CR1: variants seen among roughly 807,000 people sequenced by gnomAD.
The protein encoded by CR1 is complement receptor type 1.
CR1 carries 116 observed loss-of-function variants against 187.3 expected under a neutral mutation model. The ratio of observed to expected loss-of-function variants is 0.62; its 90% CI spans 0.53 to 0.72. The LOEUF is 0.72. Among genes scored for constraint, CR1 ranks in the 30% least tolerant of loss-of-function variants. CR1 has a pLI of 0.00. For synonymous variants in CR1, 576 were observed against 747.1 expected (o/e 0.77, Z 3.73); for missense variants, 1,731 against 2,110.7 (o/e 0.82, Z 3.52).
intron 46 of CR1, among the ~76,000 whole-genome samples, chr1:207,632,933 G>A (rs1231553439): frequency 6.6e-6 from 1 of 152,094 alleles, no homozygotes; most frequent in Non-Finnish European, 1.5e-5. Flanking sequence ...TGCTATGGGG[G>A]AAAAGTCAGG....
In CR1 at chr1:207,605,337, CCACACA is replaced by C. The variant is rs61201153; in HGVS notation, c.5811-1885_5811-1880del. Among the ~76,000 whole-genome samples, 266 of 142,730 alleles carry C rather than the reference CCACACA, an allele frequency of 1.9e-3. 2 individuals are homozygous for C. The highest frequency in any genetic ancestry group is 5.3e-3 in the African/African-American group (207 of 39,350). 93.6% of individuals were successfully genotyped at this position (142,730 alleles called of 152,430 possible). A position where few individuals can be genotyped will look rare whatever the true frequency, so the allele number is the denominator to read the frequency against. ...GAAGAGTAGATTTTAAATATTCTCA[CCACACA>C]CACACACACACACACACACACACAC... On this transcript the variant is annotated intron_variant, in intron 35 of 46. Coordinates refer to ENST00000367049, the MANE Select transcript of CR1 (RefSeq NM_000651.6).
chr1:207,596,461 A>G (rs1431400881), intron 35 of CR1, among the ~76,000 whole-genome samples: 1 of 151,878 alleles, frequency 6.6e-6, no homozygotes, highest in Non-Finnish European at 1.5e-5. Flanking sequence ...TAAAAAATAC[A>G]AAATTAGCCA....
Position 207,619,733 on chromosome 1 carries a change from G to A in CR1, c.7067-147G>A, listed in dbSNP as rs1662258991. 6.3e-6 allele frequency: 4 copies of A among 636,540 alleles called. No individual in the cohort carries two copies. The African/African-American group carries it at 7.4e-5, about 12-fold the overall frequency. 39.4% of individuals were successfully genotyped at this position (636,540 alleles called of 1,614,324 possible). On this transcript the variant is annotated intron_variant, in intron 42 of 46. Transcript: ENST00000367049. ...GGAAATGTTAAATCATAAGGTTTTT[G>A]GAGGAGGAAGATTAGTAACATGTTT...
In CR1 at chr1:207,630,637, C is replaced by A. The variant is rs1298359572; in HGVS notation, c.7457+16C>A. The A allele has an allele frequency of 8.0e-6, 12 of 1,508,194 alleles. No individual in the cohort carries two copies. Among genetic ancestry groups the A allele is most frequent in the Non-Finnish European group, 1.1e-5 (12 of 1,118,138 alleles). The allele number at this position is 1,508,194 out of a possible 1,614,324, so 93.4% of individuals were successfully genotyped here. On this transcript the variant is annotated intron_variant, in intron 46 of 46. Transcript: ENST00000367049. The stretch of plus-strand genomic sequence containing the variant: ...AAAATAGCAGGTACCTATATACATA[C>A]TGAATTCAAAATGTTTTCAACAACT...
chr1:207,503,730 A>C (rs1175198165), intron 1 of CR1, among the ~76,000 whole-genome samples: 1 of 152,212 alleles, frequency 6.6e-6, no homozygotes, highest in African/African-American at 2.4e-5. Context: ...TACAGGTAAC[A>C]ATCACAGGCT....
chr1:207,496,253 A>T lies in CR1; in HGVS notation c.-15A>T. The T allele has an allele frequency of 6.2e-7, 1 of 1,613,716 alleles. No individual in the cohort carries two copies. The highest frequency in any genetic ancestry group is 8.5e-7 in the Non-Finnish European group (1 of 1,179,792). ...CTTCGAGATCAAATCTGGTTTGTAGATGTGCTTGGGGAGAATGGGGGCCTC... is the reference window on the plus strand; with the variant it reads ...CTTCGAGATCAAATCTGGTTTGTAGTTGTGCTTGGGGAGAATGGGGGCCTC... On this transcript the variant is annotated 5_prime_UTR_variant, in exon 1 of 47. An upstream start codon of the reference 5' UTR is lost. Coordinates refer to ENST00000367049, the MANE Select transcript of CR1 (RefSeq NM_000651.6).
At chr1:207,634,968 A>T (rs890361179) in intron 46 of CR1, among the ~76,000 whole-genome samples, 1 of 152,228 alleles carries the variant, frequency 6.6e-6, no homozygotes, top group Non-Finnish European at 1.5e-5. Context: ...GGACAAAATT[A>T]AAAAAGGAAA....
intron 33 of CR1, 131 bp from the exon 34 acceptor site, chr1:207,587,255 A>G (rs1661137303): frequency 5.2e-6 from 4 of 765,132 alleles, no homozygotes; most frequent in Admixed American, 3.3e-5. Context: ...ATCAAGGAGA[A>G]GAAAATCTTT....
At chr1:207,634,571 T>C (rs1338361212) in intron 46 of CR1, among the ~76,000 whole-genome samples, 1 of 151,908 alleles carries the variant, frequency 6.6e-6, no homozygotes, top group Non-Finnish European at 1.5e-5. Flanking sequence ...TCCTGTGAAA[T>C]GGAAGGAGAA....
At chr1:207,595,753 G>T (rs968941766) in intron 35 of CR1, among the ~76,000 whole-genome samples, 2 of 151,402 alleles carry the variant, frequency 1.3e-5, no homozygotes, top group Non-Finnish European at 2.9e-5. Context: ...TCCAAATGGT[G>T]TTGTATCAAA....
intron 32 of CR1, 58 bp from the exon 33 acceptor site, chr1:207,584,591 A>T: frequency 6.4e-7 from 1 of 1,566,546 alleles, no homozygotes. Flanking sequence ...CTGTAGAATC[A>T]CCTTGGATTA....
intron 4 of CR1, among the ~76,000 whole-genome samples, chr1:207,522,028 G>A (rs1660014207): frequency 6.6e-6 from 1 of 151,930 alleles, no homozygotes; most frequent in African/African-American, 2.4e-5. Context: ...GAACAGGTCT[G>A]TAGTTCTAAT....
At chr1:207,615,803 T>C (rs192957395) in intron 40 of CR1, among the ~76,000 whole-genome samples, 3 of 152,208 alleles carry the variant, frequency 2.0e-5, no homozygotes, top group African/African-American at 7.2e-5. Context: ...AATATATAAA[T>C]AAACTTAGGA....
At position 207,523,961 on chromosome 1, in the gene CR1, T is replaced by C. The variant is rs1660081960; in HGVS notation, c.838T>C (p.Cys280Arg). Residue 280 changes from cysteine (C) to arginine (R), a missense_variant, in exon 5 of 47, where the codon TGC (cysteine) becomes CGC (arginine). By Grantham distance (180) the Cys-to-Arg change is radical. Around this residue, in one of 5 missense-constraint regions of CR1, gnomAD observed 131 missense variants for 196.8 expected, o/e 0.67. Coordinates refer to ENST00000367049, the MANE Select transcript of CR1 (RefSeq NM_000651.6). ...CATGAAAGGACCCCGCCGTGTGAAG[T>C]GCCAGGCCCTGAACAAATGGGAGCC... ...FVMKGPRRVK[C>R]QALNKWEPEL... 6.2e-7 allele frequency: 1 copy of C among 1,611,608 alleles called. No individual in the cohort carries two copies. Among genetic ancestry groups the C allele is most frequent in the African/African-American group, 1.3e-5 (1 of 74,758 alleles).
intron 45 of CR1, among the ~76,000 whole-genome samples, chr1:207,629,707 A>G (rs1662585520): frequency 6.6e-6 from 1 of 152,208 alleles, no homozygotes; most frequent in Admixed American, 6.5e-5. Context: ...TAAAATCTCC[A>G]GGTACTGGTA....
At chr1:207,563,800 A>G in intron 21 of CR1, 64 bp from the exon 22 acceptor site, 1 of 991,652 alleles carries the variant, frequency 1.0e-6, no homozygotes, top group South Asian at 1.7e-5. Flanking sequence ...TCCCTTGGCC[A>G]GTTTAACAGT....
chr1:207,617,393 CTT>C (rs1472246604), intron 41 of CR1, among the ~76,000 whole-genome samples: 66 of 148,812 alleles, frequency 4.4e-4, no homozygotes, highest in African/African-American at 1.6e-3. Flanking sequence ...AAATTGTACT[CTT>C]AGCCTAATGG....
chr1:207,606,889 T>C (rs1347568516), intron 35 of CR1, among the ~76,000 whole-genome samples: 1 of 152,220 alleles, frequency 6.6e-6, no homozygotes, highest in Non-Finnish European at 1.5e-5. Flanking sequence ...AATATTTCAG[T>C]AAGATATTTT....
In CR1 at chr1:207,634,800, C is replaced by T. The variant is rs55840405; in HGVS notation, c.7457+4179C>T. Among the ~76,000 whole-genome samples, 354 of 146,366 alleles carry T rather than the reference C, an allele frequency of 2.4e-3. 2 individuals are homozygous for T. The highest frequency in any genetic ancestry group is 8.0e-3 in the African/African-American group (328 of 41,016). ...GGAGGACATGCTTTCTGAAGCTGAC[C>T]CCTCCAAGATGACCAGTTCCTATTT... On this transcript the variant is annotated intron_variant, in intron 46 of 46. Coordinates refer to ENST00000367049, the MANE Select transcript of CR1 (RefSeq NM_000651.6).
Sources: allele counts gnomAD v4.1 joint callset (sites outside exome capture counted in the v4.1 genomes callset), GRCh38; gene constraint gnomAD v4.1.1; regional missense constraint gnomAD v4.1.1; transcripts MANE v1.5; gene names NCBI Gene and HGNC (gene_info 2026-07-23, HGNC 2026-07-21).